DPP10: variants seen among roughly 807,000 people sequenced by gnomAD.
DPP10 encodes the protein inactive dipeptidyl peptidase 10.
DPP10 carries 33 observed loss-of-function variants against 120.9 expected under a neutral mutation model. The ratio of observed to expected loss-of-function variants is 0.27; its 90% confidence interval spans 0.21 to 0.37. DPP10 has a LOEUF of 0.37. DPP10 is among the 10% of genes least tolerant of loss of function. The probability of loss-of-function intolerance (pLI) is 1.00; values close to 1 mark genes in which losing one functional copy is unlikely to be tolerated. For synonymous variants in DPP10, 337 were observed against 326.1 expected (o/e 1.03, Z -0.36); for missense variants, 816 against 942.8 (o/e 0.87, Z 1.76).
At chr2:115,610,802 G>C (rs6542278) in intron 5 of DPP10, among the ~76,000 whole-genome samples, 76,844 of 151,948 alleles carry the variant, frequency 0.51, 22,260 homozygotes, top group African/African-American at 0.79. Flanking sequence ...AGGCAGAAGT[G>C]AGTACTTGGA....
chr2:115,018,279 C>G (rs1361314384), intron 1 of DPP10, among the ~76,000 whole-genome samples: 2 of 152,088 alleles, frequency 1.3e-5, no homozygotes, highest in African/African-American at 4.8e-5. Flanking sequence ...ATTAGTTCAA[C>G]CAATGTGGAA....
At chr2:114,988,541 C>T (rs1700566123) in intron 1 of DPP10, among the ~76,000 whole-genome samples, 1 of 152,156 alleles carries the variant, frequency 6.6e-6, no homozygotes, top group Non-Finnish European at 1.5e-5. Context: ...AATCATACTC[C>T]AAACACTGCT....
chr2:115,009,397 G>A (rs1702095430), intron 1 of DPP10, among the ~76,000 whole-genome samples: 1 of 151,362 alleles, frequency 6.6e-6, no homozygotes, highest in Non-Finnish European at 1.5e-5. Context: ...CATGGACACA[G>A]GAAGGGGAAT....
chr2:115,524,578 A>T (rs1459088307), intron 4 of DPP10, among the ~76,000 whole-genome samples: 1 of 152,048 alleles, frequency 6.6e-6, no homozygotes, highest in Admixed American at 6.6e-5. Flanking sequence ...TGATTTATTC[A>T]ATCACTGGCC....
chr2:114,447,471 A>G (rs1558767635), intron 1 of DPP10, among the ~76,000 whole-genome samples: 1 of 152,110 alleles, frequency 6.6e-6, no homozygotes, highest in Non-Finnish European at 1.5e-5. Context: ...CAAAAAATCT[A>G]CCTCTGTGTG....
chr2:115,841,199 TGA>T (rs1288367090), intron 25 of DPP10, among the ~76,000 whole-genome samples: 23 of 151,938 alleles, frequency 1.5e-4, no homozygotes, highest in South Asian at 2.1e-4. Flanking sequence ...TTATTAAATA[TGA>T]GAGTTTATTA....
chr2:114,647,800 G>C (rs989417630), intron 1 of DPP10, among the ~76,000 whole-genome samples: 1 of 150,748 alleles, frequency 6.6e-6, no homozygotes. Context: ...TTAGTCATCT[G>C]AGTTGGAAAA....
chr2:115,174,946 T>G (rs1279563237), intron 1 of DPP10, among the ~76,000 whole-genome samples: 1 of 152,166 alleles, frequency 6.6e-6, no homozygotes, highest in African/African-American at 2.4e-5. Flanking sequence ...GAGAACAATT[T>G]GGTAGTCTCA....
chr2:114,494,101 C>CA (rs58552540), intron 1 of DPP10, among the ~76,000 whole-genome samples: 12,776 of 77,030 alleles, frequency 0.17, 1,053 homozygotes, highest in African/African-American at 0.18. Flanking sequence ...AGCAATAAGG[C>CA]AAAAAAAAAA....
chr2:114,941,984 G>A (rs796611224), intron 1 of DPP10, among the ~76,000 whole-genome samples: 1 of 151,880 alleles, frequency 6.6e-6, no homozygotes, highest in Non-Finnish European at 1.5e-5. Flanking sequence ...CAAAAAGTAT[G>A]ATATGTTGGC....
At chr2:114,816,635 T>C (rs1362736190) in intron 1 of DPP10, among the ~76,000 whole-genome samples, 1 of 152,230 alleles carries the variant, frequency 6.6e-6, no homozygotes, top group Non-Finnish European at 1.5e-5. Flanking sequence ...CATTCGCTTA[T>C]TGATTTATTG....
intron 2 of DPP10, among the ~76,000 whole-genome samples, chr2:115,330,638 C>T (rs2062668658): frequency 6.6e-6 from 1 of 152,002 alleles, no homozygotes. Flanking sequence ...GATCCAGTTT[C>T]AGCTTTCTAC....
chr2:114,889,555 C>T (rs1692370227), intron 1 of DPP10, among the ~76,000 whole-genome samples: 1 of 151,994 alleles, frequency 6.6e-6, no homozygotes, highest in African/African-American at 2.4e-5. Flanking sequence ...ACCAACAACA[C>T]TTTTAAACAT....
intron 7 of DPP10, among the ~76,000 whole-genome samples, chr2:115,705,342 C>G (rs533224261): frequency 2.7e-4 from 41 of 151,966 alleles, no homozygotes; most frequent in African/African-American, 9.9e-4. Context: ...TTTTTAATCT[C>G]ATCAGGATGT....
At chr2:115,776,874 TA>T (rs1279423261) in intron 13 of DPP10, among the ~76,000 whole-genome samples, 2 of 136,424 alleles carry the variant, frequency 1.5e-5, no homozygotes, top group East Asian at 2.2e-4. Context: ...TTTTTTTTTT[TA>T]AAGCTAACTG....
chr2:115,003,402 C>A (rs952246958), intron 1 of DPP10, among the ~76,000 whole-genome samples: 6 of 151,886 alleles, frequency 4.0e-5, no homozygotes, highest in East Asian at 1.9e-4. Flanking sequence ...AGAAAAAATA[C>A]CTTATTGGGT....
intron 3 of DPP10, among the ~76,000 whole-genome samples, chr2:115,358,985 T>A (rs935036473): frequency 4.6e-5 from 7 of 152,158 alleles, no homozygotes; most frequent in Non-Finnish European, 1.0e-4. Flanking sequence ...ACATGGAGAT[T>A]ATGGAAACTA....
At chr2:115,019,121 T>C (rs899306153) in intron 1 of DPP10, among the ~76,000 whole-genome samples, 9 of 141,228 alleles carry the variant, frequency 6.4e-5, no homozygotes, top group Non-Finnish European at 1.4e-4. Flanking sequence ...AGCCCAGCAA[T>C]ATGGGGAGCG....
At position 114,879,148 on chromosome 2, in the gene DPP10, A is replaced by AT. The variant is rs562275114; in HGVS notation, c.61-430083dup. Among the ~76,000 whole-genome samples the AT allele has an allele frequency of 7.6e-5, 11 of 145,070 alleles. No homozygotes were observed. The South Asian group carries it at 1.1e-3, about 14-fold the overall frequency. ...ACAGGTAAATTCTTTTTTTTTTTTC[A>AT]TTTTTTTTCTACATTTGTCTCCCTC... On this transcript the variant is annotated intron_variant, in intron 1 of 25. Coordinates refer to ENST00000410059, the MANE Select transcript of DPP10 (RefSeq NM_020868.6).
Sources: gnomAD v4.1 joint callset for allele counts (sites outside exome capture counted in the v4.1 genomes callset) on GRCh38, gnomAD v4.1.1 for gene constraint, MANE v1.5 for transcripts, NCBI Gene and HGNC (gene_info 2026-07-23, HGNC 2026-07-21) for gene names.